The following GNB1 variants were observed in gnomAD, a reference collection of about 807,000 sequenced individuals.
The protein encoded by GNB1 is G protein subunit beta 1.
Under a neutral mutation model 42.9 loss-of-function variants are expected in GNB1, and 2 were observed. The ratio of observed to expected loss-of-function variants is 0.05; its 90% CI spans 0.02 to 0.15. GNB1 has a LOEUF of 0.15. Among genes scored for constraint, GNB1 ranks in the 10% least tolerant of loss-of-function variants. GNB1 has a pLI of 1.00. For missense variants in GNB1, 193 were observed against 462.2 expected (o/e 0.42, Z 5.34); for synonymous variants, 183 against 174.7 (o/e 1.05, Z -0.38).
rs71578347 is a variant in GNB1 at position 1,869,185 on chromosome 1, C to CAAA, written c.-96+21632_-96+21634dup. Among the ~76,000 whole-genome samples, 51 of 26,728 alleles carry CAAA rather than the reference C, an allele frequency of 1.9e-3. 2 individuals are homozygous for CAAA. Among genetic ancestry groups the CAAA allele is most frequent in the African/African-American group, 5.5e-3 (43 of 7,786 alleles). The allele number at this position is 26,728 out of a possible 152,430, so 17.5% of individuals were successfully genotyped here. On this transcript the variant is annotated intron_variant, in intron 1 of 11. Coordinates refer to ENST00000378609, the MANE Select transcript of GNB1 (RefSeq NM_002074.5). ...TGGGCAACAGAGCAAGACACCTTCT[C>CAAA]AAAAAAAAAAAAAAAAAAAAAAAAA...
At position 1,865,382 on chromosome 1, in the gene GNB1, C is replaced by T. The variant is rs564328749; in HGVS notation, c.-96+25438G>A. ...AGGGCGGATCACAAGGTCAGGAGAT[C>T]GAGACCATCCTGGCTAACACGGTGA... On this transcript the variant is annotated intron_variant, in intron 1 of 11. Coordinates refer to ENST00000378609, the MANE Select transcript of GNB1 (RefSeq NM_002074.5). Among the ~76,000 whole-genome samples, 14 of 150,692 alleles carry T rather than the reference C, an allele frequency of 9.3e-5. No individual in the cohort carries two copies. The East Asian group carries it at 2.0e-3, about 21-fold the overall frequency.
intron 1 of GNB1, among the ~76,000 whole-genome samples, chr1:1,862,165 T>C (rs1165688446): frequency 6.6e-6 from 1 of 152,160 alleles, no homozygotes; most frequent in African/African-American, 2.4e-5. Context: ...AAAGTTGCAG[T>C]GAGCCAAGAT....
intron 1 of GNB1, among the ~76,000 whole-genome samples, chr1:1,858,234 A>T (rs1233390658): frequency 6.6e-6 from 1 of 152,234 alleles, no homozygotes; most frequent in African/African-American, 2.4e-5. Flanking sequence ...GAATCATGGA[A>T]CATCCAATAA....
At chr1:1,818,923 C>A (rs1056848250) in intron 3 of GNB1, among the ~76,000 whole-genome samples, 4 of 151,916 alleles carry the variant, frequency 2.6e-5, no homozygotes, top group Admixed American at 6.6e-5. Context: ...TAAATAAATT[C>A]TATGGAAAAC....
chr1:1,878,491 G>T lies in GNB1; in HGVS notation c.-96+12329C>A, dbSNP rs572383791. 1.3e-4 allele frequency among the ~76,000 whole-genome samples: 20 copies of T among 152,240 alleles called. No individual in the cohort carries two copies. In the South Asian group the frequency reaches 3.9e-3, roughly 30 times the overall value. ...CTTTTCCCAGATGTCTGTCTGGTTT[G>T]TCTTCTCACCTCCTCCTACTCTCTC... On this transcript the variant is annotated intron_variant, in intron 1 of 11. Coordinates refer to ENST00000378609, the MANE Select transcript of GNB1 (RefSeq NM_002074.5).
At chr1:1,831,512 G>A (rs1457977003) in intron 2 of GNB1, among the ~76,000 whole-genome samples, 9 of 151,996 alleles carry the variant, frequency 5.9e-5, no homozygotes, top group East Asian at 2.0e-4. Context: ...GCAATGGCGC[G>A]ATCTCGGCTC....
At chr1:1,872,450 G>A (rs1030240772) in intron 1 of GNB1, among the ~76,000 whole-genome samples, 7 of 152,098 alleles carry the variant, frequency 4.6e-5, no homozygotes, top group African/African-American at 1.7e-4. Flanking sequence ...GGGCAAACTG[G>A]GCCTCTGGCA....
In GNB1 at chr1:1,787,172, C is replaced by A; in HGVS notation, c.*10-119G>T. Reference sequence around the variant, plus strand: ...AGTGTCTGCAGCTGAGGGCACGTGACTTCAGCTTTCTGTAAACGTTTCCCA... The same window carrying A: ...AGTGTCTGCAGCTGAGGGCACGTGAATTCAGCTTTCTGTAAACGTTTCCCA... On this transcript the variant is annotated intron_variant, in intron 11 of 11. Transcript: ENST00000378609. This position sits in a 1 kb window ranked among gnomAD's most constrained non-coding sequence, Gnocchi z 4.4. 3.5e-6 allele frequency: 2 copies of A among 578,826 alleles called. No individual in the cohort carries two copies. 35.9% of individuals were successfully genotyped at this position (578,826 alleles called of 1,614,324 possible).
At chr1:1,874,126 G>A (rs1017026552) in intron 1 of GNB1, among the ~76,000 whole-genome samples, 1 of 152,164 alleles carries the variant, frequency 6.6e-6, no homozygotes, top group African/African-American at 2.4e-5. Context: ...AAGCTACCGA[G>A]GACAACACTC....
intron 1 of GNB1, among the ~76,000 whole-genome samples, chr1:1,884,662 C>T (rs1650046951): frequency 6.6e-6 from 1 of 152,102 alleles, no homozygotes; most frequent in Non-Finnish European, 1.5e-5. Flanking sequence ...ATACATTCCA[C>T]TGATGCCCTT....
At chr1:1,886,145 C>A (rs1157197725) in intron 1 of GNB1, among the ~76,000 whole-genome samples, 1 of 151,972 alleles carries the variant, frequency 6.6e-6, no homozygotes, top group Non-Finnish European at 1.5e-5. Context: ...AACCCCATCT[C>A]TACTAAAATA....
At chr1:1,825,737 C>A (rs1646989428) in intron 2 of GNB1, among the ~76,000 whole-genome samples, 1 of 151,936 alleles carries the variant, frequency 6.6e-6, no homozygotes, top group African/African-American at 2.4e-5. Context: ...TGGTGGCAGG[C>A]GCCTGTAGTC....
Position 1,835,774 on chromosome 1 carries a change from A to G in GNB1, c.-47+3416T>C, listed in dbSNP as rs555788326. Among the ~76,000 whole-genome samples the G allele has an allele frequency of 8.5e-5, 13 of 152,214 alleles. No homozygotes were observed. In the South Asian group the frequency reaches 2.7e-3, roughly 32 times the overall value. ...ATCATACTACAGGTGTGTGTTGAAC[A>G]TTCCAAGAAAATGCCAGGCCAGGTG... On this transcript the variant is annotated intron_variant, in intron 2 of 11. Coordinates refer to ENST00000378609, the MANE Select transcript of GNB1 (RefSeq NM_002074.5).
At chr1:1,836,204 G>A (rs1013596458) in intron 2 of GNB1, among the ~76,000 whole-genome samples, 2 of 151,978 alleles carry the variant, frequency 1.3e-5, no homozygotes, top group Non-Finnish European at 2.9e-5. Context: ...GGCTCCTCAC[G>A]CCCAACAACG....
At chr1:1,809,188 A>T (rs962135539) in intron 5 of GNB1, among the ~76,000 whole-genome samples, 1 of 125,598 alleles carries the variant, frequency 8.0e-6, no homozygotes, top group Admixed American at 1.1e-4. Flanking sequence ...TTTCAGATGC[A>T]ATTTTTTTTT....
intron 1 of GNB1, among the ~76,000 whole-genome samples, chr1:1,884,685 CTTT>C (rs546281492): frequency 2.1e-5 from 3 of 145,248 alleles, no homozygotes; most frequent in Non-Finnish European, 3.0e-5. Flanking sequence ...TATTCCCATT[CTTT>C]TTTTTTTTTT....
intron 5 of GNB1, among the ~76,000 whole-genome samples, chr1:1,814,470 G>A (rs113681963): frequency 4.6e-5 from 7 of 152,250 alleles, no homozygotes; most frequent in African/African-American, 1.7e-4. Flanking sequence ...GAAGGGAGAT[G>A]CCTGGTGGAG....
chr1:1,857,317 T>A (rs1161610434), intron 1 of GNB1, among the ~76,000 whole-genome samples: 1 of 152,004 alleles, frequency 6.6e-6, no homozygotes, highest in African/African-American at 2.4e-5. Context: ...GCTGGCTGGC[T>A]CCTCTCTCTC....
chr1:1,817,548 T>A (rs1017460174), intron 4 of GNB1: 1 of 249,562 alleles, frequency 4.0e-6, no homozygotes, highest in East Asian at 7.1e-5. Flanking sequence ...GCAGATTCTG[T>A]TGAGGAGAGG....
Sources: gnomAD v4.1 joint callset for allele counts (sites outside exome capture counted in the v4.1 genomes callset) on GRCh38, gnomAD v4.1.1 for gene constraint, Gnocchi (gnomAD v3.1) non-coding constraint, MANE v1.5 for transcripts, NCBI Gene and HGNC (gene_info 2026-07-23, HGNC 2026-07-21) for gene names.